RGS6: variants seen among roughly 807,000 people sequenced by gnomAD.
The protein encoded by RGS6 is regulator of G-protein signaling 6.
Under a neutral mutation model 78.5 loss-of-function variants are expected in RGS6, and 30 were observed. The ratio of observed to expected loss-of-function variants is 0.38; its 90% CI spans 0.29 to 0.52. The LOEUF is 0.52. Ranked by LOEUF, RGS6 falls within the 20% of genes least tolerant of loss-of-function variation. RGS6 has a pLI of 0.85. For missense variants in RGS6, 495 were observed against 609.7 expected (o/e 0.81, Z 1.98); for synonymous variants, 206 against 206.0 (o/e 1.00, Z 0.00).
intron 2 of RGS6, among the ~76,000 whole-genome samples, chr14:72,234,985 C>T (rs2050642309): frequency 6.6e-6 from 1 of 152,146 alleles, no homozygotes; most frequent in South Asian, 2.1e-4. Context: ...ATATTCTTGT[C>T]CTCGTTTTAC....
chr14:72,126,836 C>T (rs994928171), intron 2 of RGS6, among the ~76,000 whole-genome samples: 4 of 152,148 alleles, frequency 2.6e-5, no homozygotes, highest in Non-Finnish European at 5.9e-5. Context: ...CCTTTTAAAT[C>T]AGTAAGTAAT....
chr14:72,448,966 T>A (rs942595085), intron 3 of RGS6, among the ~76,000 whole-genome samples: 2 of 152,136 alleles, frequency 1.3e-5, no homozygotes, highest in Admixed American at 6.5e-5. Flanking sequence ...GATAACAGGG[T>A]CAAGTGCCCA....
At chr14:72,311,874 G>A (rs533483866) in intron 2 of RGS6, among the ~76,000 whole-genome samples, 1 of 152,304 alleles carries the variant, frequency 6.6e-6, no homozygotes, top group Non-Finnish European at 1.5e-5. Flanking sequence ...TGATGGAGTA[G>A]GCAATTGCAA....
intron 17 of RGS6, chr14:72,541,571 A>G (rs1219202276): frequency 1.6e-5 from 25 of 1,535,716 alleles, no homozygotes; most frequent in Non-Finnish European, 7.0e-6. Context: ...ACGGGCTGTC[A>G]GAGTCAAGGC....
At chr14:72,184,871 G>A (rs2097218664) in intron 2 of RGS6, among the ~76,000 whole-genome samples, 1 of 152,202 alleles carries the variant, frequency 6.6e-6, no homozygotes, top group Non-Finnish European at 1.5e-5. Flanking sequence ...TAATAGGATA[G>A]ATAGATGTAC....
the RGS6 span, among the ~76,000 whole-genome samples, chr14:71,895,104 T>C: frequency 6.6e-6 from 1 of 151,994 alleles, no homozygotes; most frequent in Admixed American, 6.6e-5. Context: ...AGGAGGCTTA[T>C]GGGCAAACTA....
At chr14:72,342,446 A>G (rs1231868681) in intron 2 of RGS6, among the ~76,000 whole-genome samples, 1 of 151,954 alleles carries the variant, frequency 6.6e-6, no homozygotes, top group African/African-American at 2.4e-5. Context: ...CACACATGTA[A>G]TCCCAGCTAC....
chr14:72,288,423 A>T (rs1298917855), intron 2 of RGS6, among the ~76,000 whole-genome samples: 1 of 152,244 alleles, frequency 6.6e-6, no homozygotes, highest in African/African-American at 2.4e-5. Flanking sequence ...GCAGCCCTCA[A>T]TACTAGGACA....
At chr14:72,065,777 A>T (rs2094114999) in intron 2 of RGS6, among the ~76,000 whole-genome samples, 1 of 151,268 alleles carries the variant, frequency 6.6e-6, no homozygotes. Flanking sequence ...ATTTTATTTT[A>T]TTTTTTTATT....
chr14:71,972,428 G>A (rs186565649), intron 2 of RGS6, among the ~76,000 whole-genome samples: 1 of 152,026 alleles, frequency 6.6e-6, no homozygotes, highest in Non-Finnish European at 1.5e-5. Flanking sequence ...ATTGTCCTAT[G>A]TATATCATCT....
chr14:72,545,502 C>T (rs1036641271), intron 17 of RGS6, among the ~76,000 whole-genome samples: 1 of 152,272 alleles, frequency 6.6e-6, no homozygotes, highest in Admixed American at 6.5e-5. Context: ...TGGACTAGGT[C>T]GTCTCGATGG....
intron 2 of RGS6, among the ~76,000 whole-genome samples, chr14:72,038,678 T>C (rs1028722781): frequency 6.6e-6 from 1 of 152,214 alleles, no homozygotes; most frequent in African/African-American, 2.4e-5. Context: ...TTTGGAGTTA[T>C]TTTAAACAGC....
chr14:72,226,543 G>A (rs2048160268), intron 2 of RGS6, among the ~76,000 whole-genome samples: 1 of 152,176 alleles, frequency 6.6e-6, no homozygotes, highest in Admixed American at 6.5e-5. Flanking sequence ...TGCATATGCT[G>A]TGTAGTATCT....
chr14:72,124,830 G>A (rs1181885180), intron 2 of RGS6, among the ~76,000 whole-genome samples: 1 of 152,152 alleles, frequency 6.6e-6, no homozygotes. Flanking sequence ...ATTAAGGACT[G>A]ACTTGAGACT....
chr14:72,610,004 C>G, the RGS6 span, among the ~76,000 whole-genome samples: 45 of 152,338 alleles, frequency 3.0e-4, no homozygotes, highest in Non-Finnish European at 5.7e-4. Context: ...AGGCATTTCT[C>G]TCACTGGAGA....
In RGS6 at chr14:72,382,788, A is replaced by G. The variant is rs1183979687; in HGVS notation, c.184+30594A>G. On this transcript the variant is annotated intron_variant, in intron 3 of 17. Coordinates refer to ENST00000553525, the MANE Select transcript of RGS6 (RefSeq NM_001204424.2). Reference sequence around the variant, plus strand: ...ATAGGCTTTAACAAGGATACAATTCAAAAACAATATTCCTGAGAATAAGCA... The same window carrying G: ...ATAGGCTTTAACAAGGATACAATTCGAAAACAATATTCCTGAGAATAAGCA... Among the ~76,000 whole-genome samples, 5 of 152,210 alleles carry G rather than the reference A, an allele frequency of 3.3e-5. No individual in the cohort carries two copies. In the East Asian group the frequency reaches 9.6e-4, roughly 29 times the overall value.
intron 2 of RGS6, among the ~76,000 whole-genome samples, chr14:72,277,795 G>C (rs1033395682): frequency 6.6e-5 from 10 of 151,894 alleles, no homozygotes; most frequent in Non-Finnish European, 1.0e-4. Context: ...AGACTTGGTG[G>C]TATGCACCTG....
chr14:71,905,559 G>A, the RGS6 span, among the ~76,000 whole-genome samples: 13 of 151,962 alleles, frequency 8.6e-5, no homozygotes, highest in African/African-American at 2.9e-4. Flanking sequence ...GGCGCAATCT[G>A]GGCTCACTGC....
At chr14:72,103,884 T>A (rs2095577175) in intron 2 of RGS6, among the ~76,000 whole-genome samples, 1 of 152,204 alleles carries the variant, frequency 6.6e-6, no homozygotes, top group African/African-American at 2.4e-5. Context: ...AAGAAGGATT[T>A]TGACCATTTT....
Sources: allele counts gnomAD v4.1 joint callset (sites outside exome capture counted in the v4.1 genomes callset), GRCh38; gene constraint gnomAD v4.1.1; transcripts MANE v1.5; gene names NCBI Gene and HGNC (gene_info 2026-07-23, HGNC 2026-07-21).